Variants in PCNX1 observed in about 807,000 individuals in gnomAD.
The protein encoded by PCNX1 is pecanex-like protein 1.
PCNX1 carries 78 observed loss-of-function variants against 242.2 expected under a neutral mutation model. The ratio of observed to expected loss-of-function variants is 0.32; its 90% CI spans 0.27 to 0.39. PCNX1 has a LOEUF of 0.39. Among genes scored for constraint, PCNX1 ranks in the 10% least tolerant of loss-of-function variants. The pLI is 1.00. For synonymous variants in PCNX1, 1,024 were observed against 1,032.9 expected, an observed-to-expected ratio of 0.99 and a Z score of 0.17; for missense variants, 2,581 against 2,856.5, an observed-to-expected ratio of 0.90 and a Z score of 2.20.
At chr14:70,937,183 G>A (rs1318327420) in intron 1 of PCNX1, among the ~76,000 whole-genome samples, 1 of 152,142 alleles carries the variant, frequency 6.6e-6, no homozygotes, top group Admixed American at 6.5e-5. Flanking sequence ...ATTGCTTTTG[G>A]TGTGTTGGTC....
chr14:70,952,843 A>G (rs1474149727), intron 2 of PCNX1, among the ~76,000 whole-genome samples: 1 of 152,232 alleles, frequency 6.6e-6, no homozygotes, highest in Non-Finnish European at 1.5e-5. Flanking sequence ...GCTGTGTGCC[A>G]AAATGATTTT....
chr14:71,054,887 G>A (rs1194422169), intron 24 of PCNX1, among the ~76,000 whole-genome samples: 4 of 152,136 alleles, frequency 2.6e-5, no homozygotes, highest in South Asian at 2.1e-4. Context: ...GCTTTATTGT[G>A]CAAGTGTGGC....
chr14:70,953,965 C>T (rs1259831960), intron 2 of PCNX1, among the ~76,000 whole-genome samples: 2 of 152,258 alleles, frequency 1.3e-5, no homozygotes, highest in East Asian at 3.9e-4. Context: ...ACGCGCCTGG[C>T]TAGCATTTTT....
chr14:70,944,284 C>T (rs2057376841), intron 1 of PCNX1, among the ~76,000 whole-genome samples: 2 of 152,212 alleles, frequency 1.3e-5, no homozygotes, highest in South Asian at 4.1e-4. Flanking sequence ...AGGGATGGAG[C>T]TGTCCAAGGC....
chr14:70,938,719 T>C lies in PCNX1; in HGVS notation c.154-8196T>C, dbSNP rs533942803. Among the ~76,000 whole-genome samples, 14 of 152,352 alleles carry C rather than the reference T, an allele frequency of 9.2e-5. No individual in the cohort carries two copies. In the South Asian group the frequency reaches 2.5e-3, roughly 27 times the overall value. On this transcript the variant is annotated intron_variant, in intron 1 of 35. Coordinates refer to ENST00000304743, the MANE Select transcript of PCNX1 (RefSeq NM_014982.3). ...AGAAGGAATGGTACCAGTTCCTCCT[T>C]ATACCTCTGGTAGAATTTGGCTGTG...
intron 8 of PCNX1, among the ~76,000 whole-genome samples, chr14:71,007,476 A>G (rs1283587434): frequency 6.6e-6 from 1 of 152,142 alleles, no homozygotes; most frequent in Non-Finnish European, 1.5e-5. Flanking sequence ...TTGAATACAG[A>G]ATTAACTTAT....
intron 30 of PCNX1, among the ~76,000 whole-genome samples, chr14:71,089,572 C>G (rs574511989): frequency 1.4e-5 from 2 of 146,550 alleles, no homozygotes; most frequent in Middle Eastern, 3.4e-3. Flanking sequence ...ATGGTGGCAA[C>G]AAGGAGAAGT....
At chr14:71,073,192 C>T (rs2061628254) in intron 26 of PCNX1, among the ~76,000 whole-genome samples, 1 of 152,148 alleles carries the variant, frequency 6.6e-6, no homozygotes, top group Non-Finnish European at 1.5e-5. Context: ...CCTCTGGAGG[C>T]TAAGGCAGGA....
intron 22 of PCNX1, 64 bp downstream of exon 22, chr14:71,048,048 T>C: frequency 8.7e-7 from 1 of 1,144,208 alleles, no homozygotes; most frequent in Non-Finnish European, 1.2e-6. Flanking sequence ...TATATGCTAG[T>C]CAGAATTTTT....
intron 3 of PCNX1, among the ~76,000 whole-genome samples, chr14:70,963,042 A>G (rs1441835114): frequency 1.3e-5 from 2 of 152,200 alleles, no homozygotes. Context: ...TTTTCATTAT[A>G]TAGAAGAAGA....
chr14:71,090,041 C>T (rs909553095), intron 30 of PCNX1, among the ~76,000 whole-genome samples: 4 of 152,172 alleles, frequency 2.6e-5, no homozygotes, highest in Non-Finnish European at 4.4e-5. Context: ...CAATTCCTGC[C>T]TATTCCCTGT....
chr14:71,020,008 C>T (rs2060058361), intron 12 of PCNX1, among the ~76,000 whole-genome samples: 1 of 152,056 alleles, frequency 6.6e-6, no homozygotes, highest in Admixed American at 6.6e-5. Flanking sequence ...GTTCAACTCC[C>T]ACTTATGAGT....
chr14:71,052,095 T>C, intron 24 of PCNX1, 83 bp downstream of exon 24: 3 of 997,220 alleles, frequency 3.0e-6, no homozygotes, highest in Non-Finnish European at 4.3e-6. Context: ...TTAGAATTTA[T>C]GGTTCATAAT....
chr14:70,994,394 A>AATATATAT (rs1555357262), intron 7 of PCNX1, among the ~76,000 whole-genome samples: 2 of 44,738 alleles, frequency 4.5e-5, no homozygotes, highest in African/African-American at 1.8e-4. Flanking sequence ...CCACAGGCTT[A>AATATATAT]AGATATATAT....
intron 29 of PCNX1, 49 bp from the exon 30 acceptor site, chr14:71,089,143 T>G (rs1309723731): frequency 1.4e-6 from 2 of 1,432,156 alleles, no homozygotes; most frequent in Admixed American, 3.6e-5. Context: ...ATCAGTGTCA[T>G]GGAAGACCTT....
intron 7 of PCNX1, among the ~76,000 whole-genome samples, chr14:70,991,002 A>G (rs2059147058): frequency 6.6e-6 from 1 of 151,862 alleles, no homozygotes; most frequent in African/African-American, 2.4e-5. Context: ...TTTAAAAATT[A>G]TTTCATTCTT....
At chr14:71,000,498 A>G (rs2059471390) in intron 8 of PCNX1, among the ~76,000 whole-genome samples, 1 of 146,792 alleles carries the variant, frequency 6.8e-6, no homozygotes, top group African/African-American at 2.5e-5. Context: ...CAGTCTGAAC[A>G]TTTACTCATG....
chr14:71,000,550 G>A (rs1218240173), intron 8 of PCNX1, among the ~76,000 whole-genome samples: 4 of 128,072 alleles, frequency 3.1e-5, no homozygotes, highest in Non-Finnish European at 6.4e-5. Context: ...TTTTTTTGAC[G>A]GAGTCTCACT....
chr14:71,020,093 C>T (rs985988876), intron 12 of PCNX1, among the ~76,000 whole-genome samples: 1 of 152,142 alleles, frequency 6.6e-6, no homozygotes, highest in Admixed American at 6.5e-5. Context: ...TCATCCATGT[C>T]CCCACAAAGG....
Sources: allele counts gnomAD v4.1 joint callset (sites outside exome capture counted in the v4.1 genomes callset), GRCh38; gene constraint gnomAD v4.1.1; transcripts MANE v1.5; gene names NCBI Gene and HGNC (gene_info 2026-07-23, HGNC 2026-07-21).